The following IL1RAPL1 variants were observed in gnomAD, a reference collection of about 807,000 sequenced individuals.
IL1RAPL1 encodes interleukin-1 receptor accessory protein-like 1.
Under a neutral mutation model 48.4 loss-of-function variants are expected in IL1RAPL1, and 3 were observed. The ratio of observed to expected loss-of-function variants is 0.06; its 90% CI spans 0.03 to 0.16. IL1RAPL1 has a LOEUF of 0.16. Among genes scored for constraint, IL1RAPL1 ranks in the 10% least tolerant of loss-of-function variants. The pLI, the probability that IL1RAPL1 is intolerant of heterozygous loss-of-function variation, is 1.00. For missense variants in IL1RAPL1, 349 were observed against 530.6 expected, an observed-to-expected ratio of 0.66 and a Z score of 3.36; for synonymous variants, 185 against 187.7, an observed-to-expected ratio of 0.99 and a Z score of 0.12.
At chrX:28,837,478 A>G (rs993809425) in intron 2 of IL1RAPL1, among the ~76,000 whole-genome samples, 1 of 110,049 alleles carries the variant, frequency 9.1e-6, no homozygotes, top group African/African-American at 3.3e-5. Context: ...TAGTTTGGGA[A>G]TAGCGGAAAT....
intron 2 of IL1RAPL1, among the ~76,000 whole-genome samples, chrX:28,899,098 G>A (rs1389162301): frequency 9.0e-6 from 1 of 111,355 alleles, no homozygotes; most frequent in Non-Finnish European, 1.9e-5. Flanking sequence ...AGGGGAAGCA[G>A]GTACCTTCTT....
At chrX:29,362,895 T>C (rs1415778255) in intron 3 of IL1RAPL1, among the ~76,000 whole-genome samples, 1 of 112,289 alleles carries the variant, frequency 8.9e-6, no homozygotes, top group African/African-American at 3.2e-5. Flanking sequence ...TTGGGGGATT[T>C]ATTTTATGGA....
intron 9 of IL1RAPL1, among the ~76,000 whole-genome samples, chrX:29,943,475 G>A (rs1933166807): frequency 9.0e-6 from 1 of 111,617 alleles, no homozygotes; most frequent in Non-Finnish European, 1.9e-5. Context: ...GTCCAAGATG[G>A]GATTTGAAAA....
At chrX:29,866,661 A>G (rs1300071643) in intron 6 of IL1RAPL1, among the ~76,000 whole-genome samples, 1 of 105,626 alleles carries the variant, frequency 9.5e-6, no homozygotes, top group Non-Finnish European at 1.9e-5. Context: ...TTTCAGAAAC[A>G]CCTATCTCGT....
intron 6 of IL1RAPL1, among the ~76,000 whole-genome samples, chrX:29,892,981 T>C (rs991330200): frequency 1.8e-5 from 2 of 112,029 alleles, no homozygotes; most frequent in African/African-American, 3.2e-5. Context: ...TTATGGTGAC[T>C]CTCATTTGTA....
intron 2 of IL1RAPL1, among the ~76,000 whole-genome samples, chrX:28,814,343 G>T (rs73630097): frequency 0.029 from 2,426 of 84,380 alleles, 66 homozygotes; most frequent in African/African-American, 0.11. Context: ...TTTCAGGTTT[G>T]TGTGTGTGTG....
At chrX:29,431,774 G>T (rs1211405328) in intron 5 of IL1RAPL1, among the ~76,000 whole-genome samples, 1 of 110,856 alleles carries the variant, frequency 9.0e-6, no homozygotes, top group Non-Finnish European at 1.9e-5. Flanking sequence ...GAAGAAAAAA[G>T]AAAAGGAAAA....
At chrX:29,940,856 GC>G (rs1933114386) in intron 8 of IL1RAPL1, among the ~76,000 whole-genome samples, 1 of 111,833 alleles carries the variant, frequency 8.9e-6, no homozygotes, top group African/African-American at 3.3e-5. Context: ...AAAAGGGGAA[GC>G]AAAAATCTTA....
intron 2 of IL1RAPL1, among the ~76,000 whole-genome samples, chrX:29,082,685 A>G (rs931262002): frequency 8.9e-6 from 1 of 112,026 alleles, no homozygotes; most frequent in Non-Finnish European, 1.9e-5. Context: ...CCCAAAGAAC[A>G]TGAAATTTTG....
intron 2 of IL1RAPL1, among the ~76,000 whole-genome samples, chrX:28,926,347 G>T (rs746063011): frequency 5.7e-4 from 64 of 111,371 alleles, no homozygotes; most frequent in African/African-American, 2.0e-3. Flanking sequence ...GAAGCTATTT[G>T]AGATTCAAGT....
chrX:28,985,657 A>ATTT (rs377736234), intron 2 of IL1RAPL1, among the ~76,000 whole-genome samples: 10 of 92,666 alleles, frequency 1.1e-4, no homozygotes, highest in African/African-American at 4.0e-4. Flanking sequence ...TAACGAGCAC[A>ATTT]TTTTTTTTTT....
At chrX:29,035,255 C>A (rs1174100506) in intron 2 of IL1RAPL1, among the ~76,000 whole-genome samples, 1 of 110,908 alleles carries the variant, frequency 9.0e-6, no homozygotes, top group African/African-American at 3.3e-5. Context: ...ATTTGCCTTT[C>A]CAATGTTAAA....
chrX:29,327,888 A>G (rs1932853003), intron 3 of IL1RAPL1, among the ~76,000 whole-genome samples: 1 of 111,326 alleles, frequency 9.0e-6, no homozygotes, highest in Non-Finnish European at 1.9e-5. Context: ...TGTAGACAAT[A>G]TGTAAACAAA....
At chrX:29,766,445 A>C (rs1256491480) in intron 6 of IL1RAPL1, among the ~76,000 whole-genome samples, 1 of 89,127 alleles carries the variant, frequency 1.1e-5, no homozygotes, top group Admixed American at 1.4e-4. Flanking sequence ...ATATATATTT[A>C]TATGTCCAAA....
At position 29,785,568 on chromosome X, in the gene IL1RAPL1, C is replaced by A. The variant is rs778804145; in HGVS notation, c.778+117064C>A. Among the ~76,000 whole-genome samples, 315 of 111,662 alleles carry A rather than the reference C, an allele frequency of 2.8e-3. 1 individual carries two copies. The highest frequency in any genetic ancestry group is 9.3e-3 in the African/African-American group (286 of 30,757). On this transcript the variant is annotated intron_variant, in intron 6 of 10. Transcript: ENST00000378993. ...AACATTGTAATCCCAGATGTGTATC[C>A]CAGAGAAATAAAAATGTATGTCAAC...
intron 5 of IL1RAPL1, among the ~76,000 whole-genome samples, chrX:29,402,396 C>T (rs1354293919): frequency 9.0e-6 from 1 of 111,731 alleles, no homozygotes; most frequent in Non-Finnish European, 1.9e-5. Context: ...TCTATTGCAG[C>T]ACTTACCTCA....
intron 6 of IL1RAPL1, among the ~76,000 whole-genome samples, chrX:29,841,981 C>T (rs1754984191): frequency 8.9e-6 from 1 of 111,930 alleles, no homozygotes; most frequent in Non-Finnish European, 1.9e-5. Flanking sequence ...AGTCCTTTCC[C>T]AGGGGAGTCA....
At chrX:29,392,316 T>A (rs1933864239) in intron 3 of IL1RAPL1, among the ~76,000 whole-genome samples, 1 of 112,230 alleles carries the variant, frequency 8.9e-6, no homozygotes, top group Admixed American at 9.5e-5. Context: ...CATTCCACGT[T>A]ATTTCCCTGA....
At chrX:29,144,744 TGA>T (rs1356966948) in intron 2 of IL1RAPL1, among the ~76,000 whole-genome samples, 9 of 106,647 alleles carry the variant, frequency 8.4e-5, no homozygotes, top group Non-Finnish European at 1.5e-4. Flanking sequence ...TTTTTTTTTT[TGA>T]GATGGAGTCT....
Sources: allele counts gnomAD v4.1 joint callset (sites outside exome capture counted in the v4.1 genomes callset), GRCh38; gene constraint gnomAD v4.1.1; transcripts MANE v1.5; gene names NCBI Gene and HGNC (gene_info 2026-07-23, HGNC 2026-07-21).